Variants in MTCL1 observed in about 807,000 individuals in gnomAD.
MTCL1 encodes the protein microtubule cross-linking factor 1.
Under a neutral mutation model 141.4 loss-of-function variants are expected in MTCL1, and 79 were observed. The observed-to-expected ratio is 0.56, with a 90% CI of 0.47 to 0.67. The LOEUF is 0.67. Ranked by LOEUF, MTCL1 falls within the 30% of genes least tolerant of loss-of-function variation. MTCL1 has a pLI of 0.00. For synonymous variants in MTCL1, 914 were observed against 875.8 expected (o/e 1.04, Z -0.77); for missense variants, 2,177 against 2,113.9 (o/e 1.03, Z -0.59).
At chr18:8,783,783 A>G in exon 6 of MTCL1, 1 of 1,613,366 alleles carries the variant, frequency 6.2e-7, no homozygotes, top group African/African-American at 1.3e-5. Context: ...TTGGGCCGGA[A>G]GATCGTGGAG....
chr18:8,792,054 C>G (rs1456906402), intron 7 of MTCL1, among the ~76,000 whole-genome samples: 1 of 152,168 alleles, frequency 6.6e-6, no homozygotes, highest in Non-Finnish European at 1.5e-5. Flanking sequence ...GAAGAACAAA[C>G]AGTATCCTCA....
intron 6 of MTCL1, 85 bp downstream of exon 5, chr18:8,784,928 C>A: frequency 8.2e-7 from 1 of 1,219,710 alleles, no homozygotes; most frequent in Non-Finnish European, 1.1e-6. Context: ...GCTCACGCTG[C>A]TCACGGCTGC....
intron 1 of MTCL1, among the ~76,000 whole-genome samples, chr18:8,712,136 G>A (rs1598355707): frequency 1.3e-5 from 2 of 152,168 alleles, no homozygotes; most frequent in East Asian, 3.8e-4. Context: ...GGTGGGTGAG[G>A]ATTGGGGTGG....
chr18:8,804,232 C>T (rs2076217880), intron 10 of MTCL1, among the ~76,000 whole-genome samples: 1 of 151,252 alleles, frequency 6.6e-6, no homozygotes, highest in African/African-American at 2.4e-5. Flanking sequence ...TGTCACTCAA[C>T]TGTACTTATA....
intron 10 of MTCL1, among the ~76,000 whole-genome samples, chr18:8,799,831 G>T (rs1464335873): frequency 6.6e-6 from 1 of 152,230 alleles, no homozygotes; most frequent in African/African-American, 2.4e-5. Flanking sequence ...GGAAAATAAC[G>T]TGAAGTCACT....
exon 2 of MTCL1, chr18:8,717,955 A>G: frequency 1.0e-6 from 1 of 999,678 alleles, no homozygotes; most frequent in Non-Finnish European, 1.2e-6. Flanking sequence ...TTTTTGGGAC[A>G]TTTGCAGGTA....
intron 4 of MTCL1, among the ~76,000 whole-genome samples, chr18:8,749,278 A>G (rs1448403873): frequency 6.6e-6 from 1 of 152,194 alleles, no homozygotes; most frequent in Non-Finnish European, 1.5e-5. Flanking sequence ...CAGTAATGAC[A>G]CTATATCAGG....
chr18:8,776,562 A>T (rs886100208), intron 4 of MTCL1, among the ~76,000 whole-genome samples: 4 of 152,172 alleles, frequency 2.6e-5, no homozygotes, highest in Admixed American at 1.3e-4. Flanking sequence ...TCACATGGGA[A>T]TAAGTTATGA....
At chr18:8,775,817 A>G (rs2096505559) in intron 4 of MTCL1, among the ~76,000 whole-genome samples, 1 of 152,164 alleles carries the variant, frequency 6.6e-6, no homozygotes, top group South Asian at 2.1e-4. Context: ...CCCCTGCTCC[A>G]TGATGATTCT....
exon 17 of MTCL1, chr18:8,832,567 T>G (rs1183324747): frequency 3.9e-5 from 6 of 152,260 alleles, no homozygotes; most frequent in Non-Finnish European, 2.9e-5. Flanking sequence ...TGTACTTTTA[T>G]TGTTGGTCTT....
intron 13 of MTCL1, among the ~76,000 whole-genome samples, chr18:8,819,710 C>T (rs1204476388): frequency 1.3e-5 from 2 of 152,174 alleles, no homozygotes; most frequent in East Asian, 1.9e-4. Context: ...TCAATTGATC[C>T]TTCCCCCTCA....
rs1278975637 is a variant in MTCL1 at position 8,828,978 on chromosome 18, T to A, written c.*18+14T>A. ...CCGCCTCACGCTGTAAGTGCTTCCT[T>A]CCTTGTTTCCCAACTGTCTGGAGAG... On this transcript the variant is annotated intron_variant, in intron 16 of 16. Transcript: ENST00000359865. The surrounding 1 kb of genome is among the most constrained non-coding windows in gnomAD (Gnocchi z 5.2). 1 of 1,614,212 alleles carries A rather than the reference T, an allele frequency of 6.2e-7. No homozygotes were observed. The highest frequency in any genetic ancestry group is 2.2e-5 in the East Asian group (1 of 44,892).
In MTCL1 at chr18:8,779,960, G is replaced by A. The variant is rs372908697; in HGVS notation, c.417+2068G>A. On this transcript the variant is annotated intron_variant, in intron 5 of 16. Transcript: ENST00000359865. This position sits in a 1 kb window ranked among gnomAD's most constrained non-coding sequence, Gnocchi z 4.1. ...TTCTATGATAGATTTGTAGTGGATG[G>A]TGGACAGAGGGTGATGGTGTGAGGT... Among the ~76,000 whole-genome samples the A allele has an allele frequency of 6.6e-6, 1 of 152,124 alleles. No homozygotes were observed. Among genetic ancestry groups the A allele is most frequent in the Non-Finnish European group, 1.5e-5 (1 of 68,014 alleles).
At chr18:8,767,494 T>G (rs1033893421) in intron 4 of MTCL1, among the ~76,000 whole-genome samples, 6 of 152,206 alleles carry the variant, frequency 3.9e-5, no homozygotes, top group Non-Finnish European at 8.8e-5. Flanking sequence ...TTTACTGTCC[T>G]CAAATATACA....
At chr18:8,825,838 T>C (rs1405435580) in exon 15 of MTCL1, 2 of 1,613,998 alleles carry the variant, frequency 1.2e-6, no homozygotes, top group Non-Finnish European at 1.7e-6. Context: ...AATGATGGCC[T>C]CTCCAGCCTC....
intron 4 of MTCL1, among the ~76,000 whole-genome samples, chr18:8,734,206 AC>A (rs551529397): frequency 1.3e-5 from 2 of 150,610 alleles, no homozygotes; most frequent in South Asian, 2.1e-4. Context: ...TGCTGGTAGC[AC>A]CCCCCCTCCC....
intron 7 of MTCL1, chr18:8,787,319 C>G (rs1598663203): frequency 6.6e-6 from 1 of 152,320 alleles, no homozygotes; most frequent in Admixed American, 6.5e-5. Flanking sequence ...AACAGCAGGT[C>G]TTCAGATGAA....
exon 4 of MTCL1, chr18:8,720,341 G>A (rs1274174528): frequency 6.2e-7 from 1 of 1,614,038 alleles, no homozygotes; most frequent in African/African-American, 1.3e-5. Context: ...GATGCAGGTA[G>A]CCAAAGATGT....
chr18:8,732,700 C>G (rs771360082), intron 4 of MTCL1, among the ~76,000 whole-genome samples: 6 of 152,168 alleles, frequency 3.9e-5, no homozygotes, highest in Non-Finnish European at 5.9e-5. Flanking sequence ...GGTAATCAGG[C>G]AGCACTTGAA....
Sources: gnomAD v4.1 joint callset for allele counts (sites outside exome capture counted in the v4.1 genomes callset) on GRCh38, gnomAD v4.1.1 for gene constraint, Gnocchi (gnomAD v3.1) non-coding constraint, MANE v1.5 for transcripts, NCBI Gene and HGNC (gene_info 2026-07-23, HGNC 2026-07-21) for gene names.